The following EPHA7 variants were observed in gnomAD, a reference collection of about 807,000 sequenced individuals.
EPHA7 encodes the protein EPH receptor A7.
A neutral mutation model predicts 112.6 loss-of-function variants in EPHA7; 25 were observed. The observed-to-expected ratio is 0.22, with a 90% CI of 0.16 to 0.31. The LOEUF (loss-of-function observed/expected upper bound fraction) is 0.31, where lower values mean the gene tolerates loss of function less well. Among genes scored for constraint, EPHA7 ranks in the 10% least tolerant of loss-of-function variants. The pLI is 1.00. For missense variants in EPHA7, 962 were observed against 1,212.6 expected, an observed-to-expected ratio of 0.79 and a Z score of 3.07; for synonymous variants, 437 against 406.5, an observed-to-expected ratio of 1.07 and a Z score of -0.90.
At chr6:93,398,460 G>A (rs559839477) in intron 3 of EPHA7, among the ~76,000 whole-genome samples, 58 of 152,028 alleles carry the variant, frequency 3.8e-4, no homozygotes, top group African/African-American at 1.3e-3. Context: ...GTGCCATACC[G>A]TATGATTTGT....
intron 5 of EPHA7, among the ~76,000 whole-genome samples, chr6:93,275,646 A>C (rs1187574148): frequency 1.3e-5 from 2 of 152,026 alleles, no homozygotes; most frequent in African/African-American, 4.8e-5. Flanking sequence ...CCAGAGTTCA[A>C]AGTGGTAAAT....
intron 5 of EPHA7, among the ~76,000 whole-genome samples, chr6:93,274,712 C>T (rs899150303): frequency 1.3e-5 from 2 of 151,754 alleles, no homozygotes; most frequent in Non-Finnish European, 2.9e-5. Context: ...GCACATGGCC[C>T]TTGAGAATGG....
chr6:93,413,918 G>A (rs1295383102), intron 2 of EPHA7, among the ~76,000 whole-genome samples: 1 of 151,620 alleles, frequency 6.6e-6, no homozygotes, highest in African/African-American at 2.4e-5. Context: ...ATAGCAATAG[G>A]GTATCTTCTC....
intron 1 of EPHA7, among the ~76,000 whole-genome samples, chr6:93,417,704 C>A (rs1779309774): frequency 6.6e-6 from 1 of 152,162 alleles, no homozygotes; most frequent in East Asian, 1.9e-4. Context: ...CTGAAGGTTT[C>A]TGATCGCTAA....
At chr6:93,363,529 A>T (rs1487266651) in intron 3 of EPHA7, among the ~76,000 whole-genome samples, 1 of 152,166 alleles carries the variant, frequency 6.6e-6, no homozygotes, top group Non-Finnish European at 1.5e-5. Flanking sequence ...TCAAAACCAC[A>T]CATCTACTAG....
At chr6:93,327,461 T>C (rs1774378272) in intron 5 of EPHA7, among the ~76,000 whole-genome samples, 1 of 151,472 alleles carries the variant, frequency 6.6e-6, no homozygotes, top group Admixed American at 6.6e-5. Context: ...CAGATTTACA[T>C]AATTAACCCC....
At chr6:93,256,246 A>G (rs187863471) in intron 12 of EPHA7, among the ~76,000 whole-genome samples, 1 of 152,230 alleles carries the variant, frequency 6.6e-6, no homozygotes, top group Non-Finnish European at 1.5e-5. Context: ...TTAGTTATTT[A>G]TACTAATTTG....
chr6:93,397,608 T>G (rs1778243065), intron 3 of EPHA7, among the ~76,000 whole-genome samples: 1 of 151,948 alleles, frequency 6.6e-6, no homozygotes, highest in Admixed American at 6.6e-5. Flanking sequence ...CCTACGAATA[T>G]TCTCATGCGT....
intron 5 of EPHA7, among the ~76,000 whole-genome samples, chr6:93,273,526 A>G (rs1245255348): frequency 6.6e-6 from 1 of 151,860 alleles, no homozygotes; most frequent in African/African-American, 2.4e-5. Context: ...ATGTCTAAAA[A>G]CCACATTTTT....
chr6:93,350,457 G>T (rs1299328194), intron 5 of EPHA7, among the ~76,000 whole-genome samples: 1 of 151,856 alleles, frequency 6.6e-6, no homozygotes, highest in African/African-American at 2.4e-5. Flanking sequence ...AAAGTCATTC[G>T]AACCCTCAAA....
At chr6:93,406,351 T>C (rs1305451649) in intron 3 of EPHA7, among the ~76,000 whole-genome samples, 1 of 151,590 alleles carries the variant, frequency 6.6e-6, no homozygotes, top group African/African-American at 2.4e-5. Flanking sequence ...AAAAAAAACA[T>C]TTTTCAAAGC....
At chr6:93,310,498 CTA>C (rs1339065110) in intron 5 of EPHA7, among the ~76,000 whole-genome samples, 1 of 152,006 alleles carries the variant, frequency 6.6e-6, no homozygotes, top group East Asian at 1.9e-4. Context: ...AATTGCGTCT[CTA>C]TTAAAAATAC....
intron 5 of EPHA7, among the ~76,000 whole-genome samples, chr6:93,297,869 C>G (rs1772754813): frequency 6.6e-6 from 1 of 152,058 alleles, no homozygotes; most frequent in African/African-American, 2.4e-5. Context: ...TCCAAAATAC[C>G]TGAGTTAGCC....
intron 5 of EPHA7, among the ~76,000 whole-genome samples, chr6:93,294,048 G>A (rs1772525558): frequency 6.6e-6 from 1 of 152,086 alleles, no homozygotes; most frequent in Admixed American, 6.6e-5. Flanking sequence ...AGATTTATGG[G>A]ACGGGAAAGA....
chr6:93,395,336 A>T (rs1778112824), intron 3 of EPHA7, among the ~76,000 whole-genome samples: 1 of 151,848 alleles, frequency 6.6e-6, no homozygotes, highest in Admixed American at 6.6e-5. Context: ...TGTCTTGGAA[A>T]TTTACAGCTT....
chr6:93,258,351 T>A, intron 10 of EPHA7, 67 bp from the exon 11 acceptor site: 1 of 1,373,394 alleles, frequency 7.3e-7, no homozygotes, highest in Non-Finnish European at 9.9e-7. Flanking sequence ...TAAGAGTAAA[T>A]GCGTTGAATT....
intron 3 of EPHA7, among the ~76,000 whole-genome samples, chr6:93,365,735 A>G: frequency 6.6e-6 from 1 of 152,198 alleles, no homozygotes; most frequent in East Asian, 1.9e-4. Flanking sequence ...CCCTGGAACT[A>G]ACATGCAAGA....
chr6:93,347,925 T>C (rs1775482284), intron 5 of EPHA7, among the ~76,000 whole-genome samples: 1 of 151,776 alleles, frequency 6.6e-6, no homozygotes, highest in African/African-American at 2.4e-5. Context: ...ATTTACAAAG[T>C]AGCAATTCAA....
At chr6:93,339,992 C>T (rs951113173) in intron 5 of EPHA7, among the ~76,000 whole-genome samples, 3 of 151,624 alleles carry the variant, frequency 2.0e-5, no homozygotes, top group African/African-American at 4.8e-5. Flanking sequence ...ATAACAATTA[C>T]TGAGAAATAT....
Sources: allele counts gnomAD v4.1 joint callset (sites outside exome capture counted in the v4.1 genomes callset), GRCh38; gene constraint gnomAD v4.1.1; transcripts MANE v1.5; gene names NCBI Gene and HGNC (gene_info 2026-07-23, HGNC 2026-07-21).